Variants in EML6 observed in about 807,000 individuals in gnomAD.
The protein encoded by EML6 is echinoderm microtubule-associated protein-like 6.
A neutral mutation model predicts 240.1 loss-of-function variants in EML6; 154 were observed. That is an observed-to-expected ratio of 0.64 (90% CI 0.56 to 0.73). The LOEUF is 0.73. EML6 is among the 30% of genes least tolerant of loss of function. The pLI, the probability that EML6 is intolerant of heterozygous loss-of-function variation, is 0.00. For missense variants in EML6, 2,964 were observed against 2,474.6 expected (o/e 1.20, Z -4.20); for synonymous variants, 1,148 against 899.0 (o/e 1.28, Z -4.95).
intron 2 of EML6, among the ~76,000 whole-genome samples, chr2:54,767,290 A>G (rs1302138340): frequency 2.6e-5 from 4 of 152,188 alleles, no homozygotes; most frequent in Non-Finnish European, 5.9e-5. Context: ...ACAGCCAGGG[A>G]AAAAATGCCT....
intron 2 of EML6, among the ~76,000 whole-genome samples, chr2:54,807,069 C>G (rs964005275): frequency 6.6e-6 from 1 of 152,096 alleles, no homozygotes; most frequent in Admixed American, 6.5e-5. Flanking sequence ...ACTTTTTATT[C>G]CACATGGCCA....
At chr2:54,904,338 G>A (rs1673207295) in intron 24 of EML6, among the ~76,000 whole-genome samples, 1 of 152,158 alleles carries the variant, frequency 6.6e-6, no homozygotes, top group African/African-American at 2.4e-5. Context: ...CTCGGCTGAT[G>A]TTGAGAGTCT....
chr2:54,847,152 C>T (rs1669807252), intron 8 of EML6, among the ~76,000 whole-genome samples: 1 of 152,118 alleles, frequency 6.6e-6, no homozygotes, highest in African/African-American at 2.4e-5. Context: ...AAGTGTTCCT[C>T]CTGCCATGGC....
At chr2:54,828,854 A>G (rs1668724849) in intron 6 of EML6, among the ~76,000 whole-genome samples, 1 of 152,244 alleles carries the variant, frequency 6.6e-6, no homozygotes, top group Non-Finnish European at 1.5e-5. Context: ...CACAAGTGCT[A>G]TTTACATTTT....
At chr2:54,792,801 G>T (rs1040761257) in intron 2 of EML6, among the ~76,000 whole-genome samples, 3 of 152,182 alleles carry the variant, frequency 2.0e-5, no homozygotes, top group African/African-American at 7.2e-5. Flanking sequence ...GTTCACAAGG[G>T]CCTTTTAAGG....
chr2:54,932,483 C>A (rs891339340), intron 28 of EML6, among the ~76,000 whole-genome samples: 4 of 152,164 alleles, frequency 2.6e-5, no homozygotes, highest in African/African-American at 9.7e-5. Context: ...CCAAACCTTC[C>A]CACCTCTCAA....
chr2:54,897,299 C>G (rs1163014363), intron 21 of EML6, among the ~76,000 whole-genome samples: 2 of 152,136 alleles, frequency 1.3e-5, no homozygotes, highest in African/African-American at 4.8e-5. Context: ...TCTTAATTCT[C>G]TACAATTCTA....
At chr2:54,817,926 C>A (rs538843884) in intron 4 of EML6, among the ~76,000 whole-genome samples, 2 of 151,876 alleles carry the variant, frequency 1.3e-5, no homozygotes, top group South Asian at 4.1e-4. Context: ...GAGTGACCAA[C>A]AATAGAACCT....
At chr2:54,810,151 C>G (rs1047671601) in intron 2 of EML6, among the ~76,000 whole-genome samples, 3 of 151,900 alleles carry the variant, frequency 2.0e-5, no homozygotes, top group Non-Finnish European at 4.4e-5. Flanking sequence ...CAAAGGAGGA[C>G]TGGAGAAAGG....
rs1230182477 is a variant in EML6 at position 54,899,860 on chromosome 2, A to T, written c.3124+78A>T. The T allele has an allele frequency of 3.6e-6, 5 of 1,393,968 alleles. No homozygotes were observed. In the African/African-American group the frequency reaches 7.2e-5, roughly 20 times the overall value. 86.3% of individuals were successfully genotyped at this position (1,393,968 alleles called of 1,614,324 possible). On this transcript the variant is annotated intron_variant, in intron 22 of 41. Coordinates refer to ENST00000356458, the MANE Select transcript of EML6 (RefSeq NM_001039753.4). ...TGTCATATTTATTCACTCAGTTAATATTTACTGAGGGCACGTGTTATATGC... is the reference window on the plus strand; with the variant it reads ...TGTCATATTTATTCACTCAGTTAATTTTTACTGAGGGCACGTGTTATATGC...
intron 2 of EML6, among the ~76,000 whole-genome samples, chr2:54,808,158 C>T (rs560815915): frequency 1.3e-5 from 2 of 152,238 alleles, no homozygotes; most frequent in South Asian, 4.2e-4. Context: ...CCCAAGCCCA[C>T]CAGGAAGGCA....
At chr2:54,922,717 T>TA (rs1674323689) in intron 26 of EML6, among the ~76,000 whole-genome samples, 1 of 152,042 alleles carries the variant, frequency 6.6e-6, no homozygotes, top group South Asian at 2.1e-4. Context: ...ATTATTCACA[T>TA]AAAAAAGAAG....
At position 54,869,209 on chromosome 2, in the gene EML6, C is replaced by G; in HGVS notation, c.2080C>G (p.Leu694Val). 6.4e-7 allele frequency: 1 copy of G among 1,551,060 alleles called. No homozygotes were observed. The highest frequency in any genetic ancestry group is 8.7e-7 in the Non-Finnish European group (1 of 1,146,308). ...TAGAGGCTACGACTGTAGAAACAAT[C>G]TGTTCTACACACAAGCTGGAGAAGT... ...GYRGYDCRNNLFYTQAGEVVY... is the reference protein window; with the variant it reads ...GYRGYDCRNNVFYTQAGEVVY... Residue 694 changes from leucine (L) to valine (V), a missense_variant, in exon 15 of 42, where the codon CTG becomes GTG. Transcript: ENST00000356458.
chr2:54,939,182 A>G (rs1675300492), intron 28 of EML6, among the ~76,000 whole-genome samples: 1 of 152,234 alleles, frequency 6.6e-6, no homozygotes, highest in Admixed American at 6.5e-5. Flanking sequence ...TAAAATCCAT[A>G]ATCCAGCTAG....
chr2:54,802,019 A>T (rs1357400965), intron 2 of EML6, among the ~76,000 whole-genome samples: 1 of 152,148 alleles, frequency 6.6e-6, no homozygotes, highest in African/African-American at 2.4e-5. Flanking sequence ...TCTTGCTCTT[A>T]CTCAGATGTC....
intron 4 of EML6, among the ~76,000 whole-genome samples, chr2:54,817,262 ATG>A (rs749269477): frequency 1.8e-4 from 27 of 152,212 alleles, no homozygotes; most frequent in Non-Finnish European, 2.9e-4. Flanking sequence ...TTAATTTTGA[ATG>A]AGTGTAATGA....
At chr2:54,846,309 C>T (rs1302118458) in intron 8 of EML6, among the ~76,000 whole-genome samples, 2 of 151,946 alleles carry the variant, frequency 1.3e-5, no homozygotes, top group African/African-American at 4.8e-5. Context: ...TCTGTGTGTG[C>T]TGAAATAACT....
intron 28 of EML6, among the ~76,000 whole-genome samples, chr2:54,945,004 C>G (rs938480562): frequency 2.3e-5 from 3 of 132,078 alleles, no homozygotes; most frequent in Non-Finnish European, 3.2e-5. Flanking sequence ...CCTCCCCCAT[C>G]CATTCCTCCC....
rs1195978200 is a variant in EML6 at position 54,832,664 on chromosome 2, A to AT, written c.847+3187_847+3188insT. 2.0e-5 allele frequency among the ~76,000 whole-genome samples: 3 copies of AT among 152,292 alleles called. No individual in the cohort carries two copies. The East Asian group carries it at 5.8e-4, about 29-fold the overall frequency. On this transcript the variant is annotated intron_variant, in intron 7 of 41. Transcript: ENST00000356458. ...ACATTAGCAAAGAGCTGAGCAAATA[A>AT]AAGGGAAGGAAAGAGGGTGGGAAAA...
Sources: gnomAD v4.1 joint callset for allele counts (sites outside exome capture counted in the v4.1 genomes callset) on GRCh38, gnomAD v4.1.1 for gene constraint, MANE v1.5 for transcripts, NCBI Gene and HGNC (gene_info 2026-07-23, HGNC 2026-07-21) for gene names.